The following IL27RA variants were observed in gnomAD, a reference collection of about 807,000 sequenced individuals.
IL27RA encodes the protein interleukin-27 receptor subunit alpha.
A neutral mutation model predicts 80.8 loss-of-function variants in IL27RA; 61 were observed. The ratio of observed to expected loss-of-function variants is 0.76; its 90% CI spans 0.61 to 0.93. IL27RA has a LOEUF of 0.93. IL27RA is among the 40% of genes least tolerant of loss of function. The pLI is 0.00. For synonymous variants in IL27RA, 316 were observed against 332.5 expected (o/e 0.95, Z 0.54); for missense variants, 735 against 808.1 (o/e 0.91, Z 1.10).
intron 5 of IL27RA, 23 bp from the exon 6 acceptor site, chr19:14,042,693 C>G (rs1180137852): frequency 6.2e-7 from 1 of 1,614,032 alleles, no homozygotes; most frequent in South Asian, 1.1e-5. Flanking sequence ...CTCATTTGTT[C>G]CCCGTTTCCT....
intron 2 of IL27RA, among the ~76,000 whole-genome samples, chr19:14,035,372 T>C (rs1555764574): frequency 6.6e-6 from 1 of 151,780 alleles, no homozygotes; most frequent in Non-Finnish European, 1.5e-5. Context: ...CTATCCCGGT[T>C]ACCATTCACC....
intron 10 of IL27RA, 49 bp downstream of exon 10, chr19:14,049,363 A>C (rs2145696456): frequency 1.9e-6 from 3 of 1,575,066 alleles, no homozygotes; most frequent in Non-Finnish European, 2.6e-6. Flanking sequence ...CACAAGACCC[A>C]CCCATCAGTC....
intron 4 of IL27RA, 141 bp from the exon 5 acceptor site, chr19:14,042,312 G>A: frequency 2.3e-6 from 2 of 852,368 alleles, no homozygotes; most frequent in Non-Finnish European, 3.6e-6. Context: ...GTTGCAGTGA[G>A]CCAAGATCAC....
chr19:14,042,837 C>A (rs1219991138), intron 6 of IL27RA, 48 bp downstream of exon 6: 1 of 1,512,680 alleles, frequency 6.6e-7, no homozygotes, highest in Admixed American at 1.7e-5. Context: ...TTAGGAAACC[C>A]CTAAATAACA....
At chr19:14,032,015 G>C (rs1975823307) in intron 1 of IL27RA, 43 bp downstream of exon 1, 1 of 1,527,898 alleles carries the variant, frequency 6.5e-7, no homozygotes, top group Non-Finnish European at 8.9e-7. Flanking sequence ...CTGCCGCTGC[G>C]CTCCCCGCGA....
At position 14,052,449 on chromosome 19, in the gene IL27RA, G is replaced by A; in HGVS notation, c.*159G>A. 1 of 581,128 alleles carries A rather than the reference G, an allele frequency of 1.7e-6. No individual in the cohort carries two copies. The highest frequency in any genetic ancestry group is 2.9e-6 in the Non-Finnish European group (1 of 347,344). The allele number at this position is 581,128 out of a possible 1,614,324, so 36.0% of individuals were successfully genotyped here. On this transcript the variant is annotated 3_prime_UTR_variant, in exon 14 of 14. Coordinates refer to ENST00000263379, the MANE Select transcript of IL27RA (RefSeq NM_004843.4). Reference sequence around the variant, plus strand: ...CACCCAGCCAGGCAGAGCTGGGATTGAAGGACCCCTATAGAGAAGGGCTTG... The same window carrying A: ...CACCCAGCCAGGCAGAGCTGGGATTAAAGGACCCCTATAGAGAAGGGCTTG...
chr19:14,044,371 C>T lies in IL27RA; in HGVS notation c.768+1582C>T, dbSNP rs573940450. Among the ~76,000 whole-genome samples the T allele has an allele frequency of 2.6e-5, 4 of 152,060 alleles. No homozygotes were observed. The East Asian group carries it at 7.8e-4, about 29-fold the overall frequency. Reference sequence around the variant, plus strand: ...TCTCCTGCCTCAGCCTCCTGAGTAGCTGTGATTATAGGCGCCCGCCACCAC... The same window carrying T: ...TCTCCTGCCTCAGCCTCCTGAGTAGTTGTGATTATAGGCGCCCGCCACCAC... On this transcript the variant is annotated intron_variant, in intron 6 of 13. Transcript: ENST00000263379.
Position 14,046,426 on chromosome 19 carries a change from CCAGATT to C in IL27RA, c.953_958del (p.Asp318_Ser319del). On this transcript the variant is annotated splice_acceptor_variant and splice_polypyrimidine_tract_variant and coding_sequence_variant and intron_variant, in exon 8 of 14. Transcript: ENST00000263379. LOFTEE classifies it high-confidence loss of function. ...GGCAGCTGAGACTTCTCTCCACCCTCCAGATTCAGCCTCTGCCCCCCGTAGCGTGGC... is the reference window on the plus strand; with the variant it reads ...GGCAGCTGAGACTTCTCTCCACCCTCCAGCCTCTGCCCCCCGTAGCGTGGC... 1 of 1,614,154 alleles carries C rather than the reference CCAGATT, an allele frequency of 6.2e-7. No homozygotes were observed.
In IL27RA at chr19:14,046,555, G is replaced by C; in HGVS notation, c.1078G>C (p.Asp360His). ...TGTAGTGGACTGGGCTCGAGATGGG[G>C]ACCCCCTGGAGAAACTCAACTGGGT... ...EHVVDWARDG[D>H]PLEKLNWVRL... Residue 360 changes from aspartate to histidine, a missense_variant, in exon 8 of 14, where the codon GAC (aspartate) becomes CAC (histidine). Coordinates refer to ENST00000263379, the MANE Select transcript of IL27RA (RefSeq NM_004843.4). The C allele has an allele frequency of 6.2e-7, 1 of 1,613,998 alleles. No individual in the cohort carries two copies. Among genetic ancestry groups the C allele is most frequent in the Non-Finnish European group, 8.5e-7 (1 of 1,179,954 alleles).
chr19:14,039,968 C>G (rs1046851728), intron 4 of IL27RA, 58 bp downstream of exon 4: 17 of 1,548,600 alleles, frequency 1.1e-5, no homozygotes, highest in Non-Finnish European at 1.4e-5. Flanking sequence ...GAGGCAACAT[C>G]TCCTAATCTG....
Position 14,053,076 on chromosome 19 carries a change from C to T in IL27RA, c.*786C>T, listed in dbSNP as rs1409314207. ...CCCACATCCTTTCCTTGCCTATGAGCTGGAACATAACACATGCCTATGATC... is the reference window on the plus strand; with the variant it reads ...CCCACATCCTTTCCTTGCCTATGAGTTGGAACATAACACATGCCTATGATC... On this transcript the variant is annotated 3_prime_UTR_variant, in exon 14 of 14. Coordinates refer to ENST00000263379, the MANE Select transcript of IL27RA (RefSeq NM_004843.4). 2.0e-5 allele frequency: 3 copies of T among 152,468 alleles called. No homozygotes were observed. Among genetic ancestry groups the T allele is most frequent in the Non-Finnish European group, 2.9e-5 (2 of 68,194 alleles). The allele number at this position is 152,468 out of a possible 1,614,324, so 9.4% of individuals were successfully genotyped here.
chr19:14,038,393 C>T (rs945731546), intron 2 of IL27RA, among the ~76,000 whole-genome samples: 2 of 151,914 alleles, frequency 1.3e-5, no homozygotes, highest in African/African-American at 2.4e-5. Context: ...GCCTGGGCAA[C>T]ATAGCAAGAC....
At position 14,052,461 on chromosome 19, in the gene IL27RA, T is replaced by C. The variant is rs1423776450; in HGVS notation, c.*171T>C. ...CAGAGCTGGGATTGAAGGACCCCTATAGAGAAGGGCTTGGCCCCCATGGGG... is the reference window on the plus strand; with the variant it reads ...CAGAGCTGGGATTGAAGGACCCCTACAGAGAAGGGCTTGGCCCCCATGGGG... On this transcript the variant is annotated 3_prime_UTR_variant, in exon 14 of 14. Transcript: ENST00000263379. 5.9e-6 allele frequency: 3 copies of C among 512,120 alleles called. No homozygotes were observed. Among genetic ancestry groups the C allele is most frequent in the Non-Finnish European group, 1.0e-5 (3 of 300,290 alleles). 31.7% of individuals were successfully genotyped at this position (512,120 alleles called of 1,614,324 possible).
rs528499278 is a variant in IL27RA, at chr19:14,036,175, G to A, written c.219-3333G>A. 6.6e-5 allele frequency among the ~76,000 whole-genome samples: 10 copies of A among 151,610 alleles called. No homozygotes were observed. In the South Asian group the frequency reaches 2.1e-3, roughly 32 times the overall value. The stretch of plus-strand genomic sequence containing the variant: ...AAGTAAATAAATAAATAATTTTTTT[G>A]GTAGAGACAGAGTCTTGCTCTGTTG... On this transcript the variant is annotated intron_variant, in intron 2 of 13. Coordinates refer to ENST00000263379, the MANE Select transcript of IL27RA (RefSeq NM_004843.4).
chr19:14,046,592 C>A lies in IL27RA; in HGVS notation c.1115C>A (p.Pro372His). The change falls in exon 8 of 14, where the codon CCT becomes CAT. Residue 372 changes from proline to histidine, a missense_variant. Physicochemically the swap from Pro to His is moderately conservative, Grantham distance 77. Transcript: ENST00000263379. The part of the protein sequence containing the change: ...LEKLNWVRLP[P>H]GNLSALLPGN... The stretch of plus-strand genomic sequence containing the variant: ...AAACTCAACTGGGTCCGGCTTCCCC[C>A]TGGGAACCTCAGTGCTCTGTTACCA... 1 of 1,610,464 alleles carries A rather than the reference C, an allele frequency of 6.2e-7. No homozygotes were observed. The highest frequency in any genetic ancestry group is 1.1e-5 in the South Asian group (1 of 90,562).
intron 6 of IL27RA, among the ~76,000 whole-genome samples, chr19:14,044,784 G>A (rs1449532679): frequency 6.6e-6 from 1 of 151,248 alleles, no homozygotes; most frequent in African/African-American, 2.4e-5. Context: ...CCAGGAGTTC[G>A]AGACCAGCCT....
intron 11 of IL27RA, 36 bp from the exon 12 acceptor site, chr19:14,051,571 A>T: frequency 1.7e-6 from 2 of 1,186,152 alleles, no homozygotes; most frequent in Non-Finnish European, 2.3e-6. Flanking sequence ...AAAATAAAAT[A>T]AAAAATTAAG....
At chr19:14,032,663 AG>A (rs1297605612) in intron 2 of IL27RA, among the ~76,000 whole-genome samples, 160 bp downstream of exon 2, 1 of 142,988 alleles carries the variant, frequency 7.0e-6, no homozygotes, top group Non-Finnish European at 1.5e-5. Flanking sequence ...AAAATTACCC[AG>A]GGGTGGTGGC....
At chr19:14,037,834 C>CTTTTTTTTT (rs1555764856) in intron 2 of IL27RA, among the ~76,000 whole-genome samples, 21 of 129,400 alleles carry the variant, frequency 1.6e-4, no homozygotes, top group African/African-American at 3.1e-4. Context: ...CTCTCTCTCT[C>CTTTTTTTTT]TTTTTTTTTT....
Sources: allele counts gnomAD v4.1 joint callset (sites outside exome capture counted in the v4.1 genomes callset), GRCh38; gene constraint gnomAD v4.1.1; transcripts MANE v1.5; gene names NCBI Gene and HGNC (gene_info 2026-07-23, HGNC 2026-07-21).